KAZN: variants seen among roughly 807,000 people sequenced by gnomAD.
The protein encoded by KAZN is kazrin, periplakin interacting protein.
Under a neutral mutation model 87.4 loss-of-function variants are expected in KAZN, and 40 were observed. That is an observed-to-expected ratio of 0.46 (90% CI 0.36 to 0.60). The LOEUF (loss-of-function observed/expected upper bound fraction) is 0.60, where lower values mean the gene tolerates loss of function less well. Ranked by LOEUF, KAZN falls within the 20% of genes least tolerant of loss-of-function variation. The pLI, the probability that KAZN is intolerant of heterozygous loss-of-function variation, is 0.00. For missense variants in KAZN, 898 were observed against 1,073.9 expected (o/e 0.84, Z 2.29); for synonymous variants, 466 against 458.3 (o/e 1.02, Z -0.22).
At chr1:14,565,448 T>C (rs936504351) in intron 2 of KAZN, among the ~76,000 whole-genome samples, 4 of 152,230 alleles carry the variant, frequency 2.6e-5, no homozygotes, top group African/African-American at 9.6e-5. Flanking sequence ...AACTGTAATC[T>C]TTTTGCTGTT....
At position 14,276,162 on chromosome 1, in the gene KAZN, TGTG is replaced by T. The variant is rs1652333756; in HGVS notation, c.249+95571_249+95573del. Among the ~76,000 whole-genome samples, 5 of 5,032 alleles carry T rather than the reference TGTG, an allele frequency of 9.9e-4. No homozygotes were observed. In the Admixed American group the frequency reaches 0.016, roughly 16 times the overall value. 3.3% of individuals were successfully genotyped at this position (5,032 alleles called of 152,430 possible). The stretch of plus-strand genomic sequence containing the variant: ...TGGAGCATAGTGTTCGCTATAAGGG[TGTG>T]TGTGTGTGTGTGTGTGTGTGTGTGT... On this transcript the variant is annotated intron_variant, in intron 2 of 16. Coordinates refer to the KAZN transcript ENST00000636203.
intron 1 of KAZN, among the ~76,000 whole-genome samples, chr1:14,068,489 G>A (rs1227292837): frequency 1.3e-5 from 2 of 152,210 alleles, no homozygotes; most frequent in East Asian, 3.9e-4. Flanking sequence ...TCTGCAGTGG[G>A]GCCAGGGATA....
chr1:14,929,203 C>T (rs2101560549), intron 1 of KAZN, among the ~76,000 whole-genome samples: 1 of 152,330 alleles, frequency 6.6e-6, no homozygotes, highest in South Asian at 2.1e-4. Context: ...AATTCCTATT[C>T]CTCTAGACTC....
intron 1 of KAZN, among the ~76,000 whole-genome samples, chr1:13,966,110 G>T (rs899591357): frequency 1.3e-5 from 2 of 151,932 alleles, no homozygotes; most frequent in Non-Finnish European, 2.9e-5. Context: ...AGCCTTTGCT[G>T]CTCCTTCCCT....
chr1:14,893,746 C>T (rs143040487), intron 1 of KAZN, among the ~76,000 whole-genome samples: 2 of 152,236 alleles, frequency 1.3e-5, no homozygotes, highest in Non-Finnish European at 2.9e-5. Context: ...AATCTGTGCC[C>T]GCTTCAGCCT....
chr1:14,616,237 C>G (rs186340170), intron 1 of KAZN, among the ~76,000 whole-genome samples: 1 of 152,282 alleles, frequency 6.6e-6, no homozygotes, highest in East Asian at 1.9e-4. Flanking sequence ...GACCTCTGGC[C>G]TCTTGGTCCA....
intron 2 of KAZN, among the ~76,000 whole-genome samples, chr1:14,978,716 G>A (rs1665923991): frequency 6.6e-6 from 1 of 151,620 alleles, no homozygotes. Context: ...GTGTGTGGGT[G>A]TGGTCTTGCT....
intron 1 of KAZN, among the ~76,000 whole-genome samples, chr1:13,945,489 A>G (rs1476482429): frequency 6.7e-6 from 1 of 149,978 alleles, no homozygotes; most frequent in African/African-American, 2.5e-5. Flanking sequence ...AAAAAAAAAA[A>G]ATTAGAATTG....
At chr1:14,966,670 C>T (rs143166217) in intron 2 of KAZN, among the ~76,000 whole-genome samples, 37 of 152,130 alleles carry the variant, frequency 2.4e-4, no homozygotes, top group African/African-American at 8.4e-4. Context: ...GTATTTTACC[C>T]ACGTTTTTTT....
At chr1:14,975,503 A>G (rs1216117805) in intron 2 of KAZN, among the ~76,000 whole-genome samples, 1 of 152,220 alleles carries the variant, frequency 6.6e-6, no homozygotes, top group African/African-American at 2.4e-5. Context: ...GGAAAAGACC[A>G]AGGTTAAAAT....
At chr1:14,003,100 G>T (rs1456345462) in intron 1 of KAZN, among the ~76,000 whole-genome samples, 1 of 151,966 alleles carries the variant, frequency 6.6e-6, no homozygotes, top group Non-Finnish European at 1.5e-5. Flanking sequence ...AACTAACACA[G>T]GAACAGAAAA....
At position 14,599,073 on chromosome 1, in the gene KAZN, C is replaced by T; in HGVS notation, c.76C>T (p.Leu26=). Residue 26 remains leucine, a synonymous_variant, in exon 1 of 15, where the codon CTG becomes TTG. Coordinates refer to ENST00000376030, the MANE Select transcript of KAZN (RefSeq NM_201628.3). This position sits in a 1 kb window ranked among gnomAD's most constrained non-coding sequence, Gnocchi z 4.4. ...VQSASQEVTN[L]RAELTATNRR... is the part of the protein sequence containing the mutation. ...GTCGGCCAGCCAGGAGGTGACCAAC[C>T]TGCGAGCCGAACTCACGGCCACCAA... 3 of 1,561,610 alleles carry T rather than the reference C, an allele frequency of 1.9e-6. No homozygotes were observed. The highest frequency in any genetic ancestry group is 2.6e-6 in the Non-Finnish European group (3 of 1,158,608).
chr1:14,149,928 A>G (rs1645437825), intron 1 of KAZN, among the ~76,000 whole-genome samples: 1 of 152,232 alleles, frequency 6.6e-6, no homozygotes, highest in African/African-American at 2.4e-5. Flanking sequence ...AAAATATTAT[A>G]TATTCTGAAA....
At chr1:14,256,698 A>G (rs1650542803) in intron 2 of KAZN, among the ~76,000 whole-genome samples, 1 of 152,144 alleles carries the variant, frequency 6.6e-6, no homozygotes, top group African/African-American at 2.4e-5. Context: ...CAGTTCTGTC[A>G]TATGTAAGGG....
intron 2 of KAZN, among the ~76,000 whole-genome samples, chr1:14,977,746 A>T (rs920572326): frequency 6.6e-6 from 1 of 152,210 alleles, no homozygotes; most frequent in African/African-American, 2.4e-5. Flanking sequence ...GAGGTCCACC[A>T]GGTGGCTCTG....
chr1:14,959,062 C>G (rs568223123), intron 1 of KAZN, among the ~76,000 whole-genome samples: 1 of 152,222 alleles, frequency 6.6e-6, no homozygotes. Flanking sequence ...ATGACAGGCG[C>G]TGATGAGTGC....
chr1:14,530,731 C>G (rs1169401057), intron 2 of KAZN, among the ~76,000 whole-genome samples: 1 of 152,160 alleles, frequency 6.6e-6, no homozygotes, highest in Non-Finnish European at 1.5e-5. Context: ...GATGTCATCA[C>G]CATGCTTCCT....
chr1:15,038,537 G>A (rs573186133), intron 3 of KAZN, among the ~76,000 whole-genome samples: 11 of 152,268 alleles, frequency 7.2e-5, no homozygotes, highest in East Asian at 5.8e-4. Context: ...AATAGCAGAC[G>A]TTTATTGTGC....
chr1:14,798,497 G>A (rs560375428), intron 1 of KAZN, among the ~76,000 whole-genome samples: 3 of 44,456 alleles, frequency 6.7e-5, no homozygotes, highest in East Asian at 1.3e-3. Context: ...GCCCTATCTC[G>A]GCTCACTGCA....
Sources: gnomAD v4.1 joint callset for allele counts (sites outside exome capture counted in the v4.1 genomes callset) on GRCh38, gnomAD v4.1.1 for gene constraint, Gnocchi (gnomAD v3.1) non-coding constraint, MANE v1.5 for transcripts, NCBI Gene and HGNC (gene_info 2026-07-23, HGNC 2026-07-21) for gene names.